Variants in PRSS55 observed in about 807,000 individuals in gnomAD.
PRSS55 encodes probable serine protease UNQ9391/PRO34284.
A neutral mutation model predicts 23.6 loss-of-function variants in PRSS55; 41 were observed. The ratio of observed to expected loss-of-function variants is 1.74; its 90% CI spans 1.35 to 2.26. The LOEUF is 2.26. Among genes scored for constraint, PRSS55 ranks in the 30% most tolerant of loss-of-function variants. The pLI, the probability that PRSS55 is intolerant of heterozygous loss-of-function variation, is 0.00. For missense variants in PRSS55, 669 were observed against 439.1 expected (o/e 1.52, Z -4.68); for synonymous variants, 262 against 175.5 (o/e 1.49, Z -3.90).
intron 4 of PRSS55, among the ~76,000 whole-genome samples, chr8:10,535,909 G>A (rs562328711): frequency 4.6e-5 from 7 of 152,202 alleles, no homozygotes; most frequent in Admixed American, 6.5e-5. Flanking sequence ...CAGAGGGGCC[G>A]GGAGCGGTGG....
chr8:10,531,150 C>G, intron 2 of PRSS55, 145 bp from the exon 3 acceptor site: 1 of 1,005,756 alleles, frequency 9.9e-7, no homozygotes. Flanking sequence ...TTTTTCCAAT[C>G]CTCACACCTT....
intron 3 of PRSS55, 166 bp downstream of exon 3, chr8:10,531,711 AG>A: frequency 1.1e-6 from 1 of 886,204 alleles, no homozygotes; most frequent in Non-Finnish European, 1.7e-6. Flanking sequence ...CGAAACCCCA[AG>A]GTGAGACACC....
chr8:10,540,360 C>T (rs1812615295), downstream of PRSS55: 1 of 152,228 alleles, frequency 6.6e-6, no homozygotes, highest in African/African-American at 2.4e-5. Context: ...TAAATGGAAG[C>T]TTGGGCTTTT....
At chr8:10,541,657 T>C (rs922074366), downstream of PRSS55, 1 of 152,244 alleles carries the variant, frequency 6.6e-6, no homozygotes. Context: ...ATCTATCTAA[T>C]CTATCTCTCC....
At chr8:10,553,663 C>T (rs1563553232) in intron 4 of PRSS55, among the ~76,000 whole-genome samples, 1 of 152,130 alleles carries the variant, frequency 6.6e-6, no homozygotes, top group East Asian at 1.9e-4. Flanking sequence ...GGTCAAAGGG[C>T]ACAAAATTTC....
chr8:10,553,099 C>A (rs138574518), intron 4 of PRSS55, among the ~76,000 whole-genome samples: 4 of 152,064 alleles, frequency 2.6e-5, no homozygotes, highest in Non-Finnish European at 5.9e-5. Context: ...GGGAAGTGAT[C>A]GGATCATGAG....
At chr8:10,545,773 G>C (rs956697226) in intron 4 of PRSS55, among the ~76,000 whole-genome samples, 3 of 152,206 alleles carry the variant, frequency 2.0e-5, no homozygotes, top group African/African-American at 7.2e-5. Context: ...AACTCACAAA[G>C]CATCTCAGCG....
At chr8:10,534,110 T>G (rs907042528) in intron 4 of PRSS55, among the ~76,000 whole-genome samples, 1 of 133,098 alleles carries the variant, frequency 7.5e-6, no homozygotes, top group Admixed American at 8.3e-5. Flanking sequence ...CTGGGCAATT[T>G]AAAATATTAC....
chr8:10,525,642 TC>T lies in PRSS55; in HGVS notation c.59del (p.Pro20HisfsTer13), dbSNP rs747131092. On this transcript the variant is annotated frameshift_variant, in exon 1 of 5. Transcript: ENST00000328655. LOFTEE classifies it high-confidence loss of function. ...LSLVTGTQLG[P>X]RTPLPEAGVA... Reference sequence around the variant, plus strand: ...CCCTGGTCACGGGAACTCAGCTCGGTCCACGGACTCCTCTCCCAGAGGCTGG... The same window carrying T: ...CCCTGGTCACGGGAACTCAGCTCGGTCACGGACTCCTCTCCCAGAGGCTGG... 2 of 1,614,122 alleles carry T rather than the reference TC, an allele frequency of 1.2e-6. No homozygotes were observed. Among genetic ancestry groups the T allele is most frequent in the Non-Finnish European group, 1.7e-6 (2 of 1,180,012 alleles).
downstream of PRSS55, chr8:10,538,846 C>T (rs1812553355): frequency 6.7e-7 from 1 of 1,481,522 alleles, no homozygotes. Flanking sequence ...GCAAGTGCGT[C>T]TCCAGCAGAG....
At chr8:10,539,740 T>C (rs1028493060), downstream of PRSS55, among the ~76,000 whole-genome samples, 6 of 152,194 alleles carry the variant, frequency 3.9e-5, no homozygotes, top group African/African-American at 1.4e-4. Flanking sequence ...AAGATGTGCC[T>C]TTTGCCTTCC....
At chr8:10,543,397 T>TTTTC (rs1228151145), downstream of PRSS55, among the ~76,000 whole-genome samples, 2 of 97,034 alleles carry the variant, frequency 2.1e-5, no homozygotes, top group Admixed American at 1.0e-4. Flanking sequence ...ACAGATTTCT[T>TTTTC]TTTCTTTCTT....
chr8:10,537,724 T>C (rs1812505336), intron 4 of PRSS55, among the ~76,000 whole-genome samples: 2 of 152,180 alleles, frequency 1.3e-5, no homozygotes, highest in Non-Finnish European at 2.9e-5. Flanking sequence ...TACAAAACTA[T>C]TATGTACCCA....
At chr8:10,525,788 G>T in intron 1 of PRSS55, 49 bp downstream of exon 1, 3 of 1,528,290 alleles carry the variant, frequency 2.0e-6, no homozygotes, top group South Asian at 2.5e-5. Flanking sequence ...TGGTCCAGCT[G>T]ACTGGCTGCC....
intron 2 of PRSS55, 89 bp downstream of exon 2, chr8:10,529,788 A>C: frequency 1.6e-6 from 2 of 1,266,214 alleles, no homozygotes; most frequent in Non-Finnish European, 2.2e-6. Context: ...GGCTGAGAGG[A>C]ACCTGCGACT....
chr8:10,544,063 C>A (rs1812746040), intron 4 of PRSS55, among the ~76,000 whole-genome samples: 1 of 152,086 alleles, frequency 6.6e-6, no homozygotes, highest in Admixed American at 6.5e-5. Context: ...TTGCCAAAAT[C>A]CTCTTTATCC....
In PRSS55 at chr8:10,529,700, G is replaced by C; in HGVS notation, c.347+1G>C. On this transcript the variant is annotated splice_donor_variant, in intron 2 of 4. Coordinates refer to ENST00000328655, the MANE Select transcript of PRSS55 (RefSeq NM_198464.4). LOFTEE classifies it high-confidence loss of function. ...ACTGCTTATATTCCGAGGAGCTGTT[G>C]TAAGTACCATGGGCCTCCCACTGCC... 2 of 1,610,966 alleles carry C rather than the reference G, an allele frequency of 1.2e-6. No homozygotes were observed. Among genetic ancestry groups the C allele is most frequent in the Non-Finnish European group, 1.7e-6 (2 of 1,177,516 alleles).
At chr8:10,544,293 AT>A (rs1812754705) in intron 4 of PRSS55, among the ~76,000 whole-genome samples, 1 of 152,112 alleles carries the variant, frequency 6.6e-6, no homozygotes, top group Non-Finnish European at 1.5e-5. Flanking sequence ...TCTCTAATGA[AT>A]TTTTTGTTTT....
At chr8:10,542,462 A>C (rs1474291743), downstream of PRSS55, among the ~76,000 whole-genome samples, 1 of 151,996 alleles carries the variant, frequency 6.6e-6, no homozygotes, top group Non-Finnish European at 1.5e-5. Context: ...AAAGTTTGAA[A>C]ACCTTTGGCC....
Sources: allele counts gnomAD v4.1 joint callset (sites outside exome capture counted in the v4.1 genomes callset), GRCh38; gene constraint gnomAD v4.1.1; transcripts MANE v1.5; gene names NCBI Gene and HGNC (gene_info 2026-07-23, HGNC 2026-07-21).